The following MBD5 variants were observed in gnomAD, a reference collection of about 807,000 sequenced individuals.
The protein encoded by MBD5 is methyl-CpG binding domain protein 5, also known as methyl-CpG-binding domain protein 5.
Under a neutral mutation model 117.3 loss-of-function variants are expected in MBD5, and 13 were observed. That is an observed-to-expected ratio of 0.11 (90% CI 0.07 to 0.18). The LOEUF (loss-of-function observed/expected upper bound fraction) is 0.18. MBD5 is among the 10% of genes least tolerant of loss of function. The pLI is 1.00. For synonymous variants in MBD5, 727 were observed against 766.4 expected, an observed-to-expected ratio of 0.95 and a Z score of 0.85; for missense variants, 1,879 against 2,093.8, an observed-to-expected ratio of 0.90 and a Z score of 2.00.
chr2:148,403,113 A>T (rs1704972142), intron 4 of MBD5, among the ~76,000 whole-genome samples: 1 of 152,054 alleles, frequency 6.6e-6, no homozygotes, highest in Admixed American at 6.6e-5. Context: ...GCTCTTTTTA[A>T]AAATAGCTTT....
chr2:148,340,506 C>T (rs1702909048), intron 3 of MBD5, among the ~76,000 whole-genome samples: 1 of 151,964 alleles, frequency 6.6e-6, no homozygotes, highest in East Asian at 1.9e-4. Flanking sequence ...TTTAATTTTA[C>T]AGTAATGAAG....
At chr2:148,440,001 A>G (rs1447103936) in intron 4 of MBD5, among the ~76,000 whole-genome samples, 2 of 152,170 alleles carry the variant, frequency 1.3e-5, no homozygotes, top group African/African-American at 4.8e-5. Flanking sequence ...GGCCTCCCAA[A>G]GTGCTAAGAT....
intron 3 of MBD5, chr2:148,243,768 C>T (rs1422354142): frequency 6.6e-6 from 1 of 151,752 alleles, no homozygotes; most frequent in Admixed American, 6.6e-5. Flanking sequence ...TTTTCGGGGA[C>T]CCAAGAAGAT....
In MBD5 at chr2:148,021,298, AGAG is replaced by A. The variant is rs1341856680; in HGVS notation, c.-1307_-1305del. 6 of 381,330 alleles carry A rather than the reference AGAG, an allele frequency of 1.6e-5. No individual in the cohort carries two copies. Among genetic ancestry groups the A allele is most frequent in the East Asian group, 6.4e-5 (1 of 15,582 alleles). 23.6% of individuals were successfully genotyped at this position (381,330 alleles called of 1,614,324 possible). A position where few individuals can be genotyped will look rare whatever the true frequency, so the allele number is the denominator to read the frequency against. On this transcript the variant is annotated 5_prime_UTR_variant, in exon 1 of 14. Coordinates refer to ENST00000642680, the MANE Select transcript of MBD5 (RefSeq NM_001378120.1). ...CCCTGAGAGGGGGATTGAGCCTGAG[AGAG>A]GAGAAGGAGTTTCTTCTTCTTCGAA...
chr2:148,480,680 A>G (rs1402127546), intron 8 of MBD5, among the ~76,000 whole-genome samples: 1 of 152,170 alleles, frequency 6.6e-6, no homozygotes, highest in African/African-American at 2.4e-5. Flanking sequence ...AAGCAGTTAA[A>G]TGTTTAAGGT....
intron 2 of MBD5, among the ~76,000 whole-genome samples, chr2:148,197,634 G>T (rs1008407870): frequency 1.3e-5 from 2 of 151,962 alleles, no homozygotes; most frequent in Non-Finnish European, 2.9e-5. Flanking sequence ...TAATGGTTAC[G>T]TATTCTATTA....
intron 1 of MBD5, among the ~76,000 whole-genome samples, chr2:148,140,457 T>G (rs1331794883): frequency 6.6e-6 from 1 of 152,214 alleles, no homozygotes; most frequent in East Asian, 1.9e-4. Flanking sequence ...TGCCATCCCA[T>G]GTAAAGGTAG....
chr2:148,322,836 C>CTTTA (rs1206924879), intron 3 of MBD5, among the ~76,000 whole-genome samples: 4 of 151,720 alleles, frequency 2.6e-5, no homozygotes, highest in East Asian at 1.9e-4. Context: ...TTATATATAT[C>CTTTA]TTTATTTATT....
At chr2:148,112,764 A>G (rs1328220365) in intron 1 of MBD5, among the ~76,000 whole-genome samples, 1 of 152,108 alleles carries the variant, frequency 6.6e-6, no homozygotes, top group East Asian at 1.9e-4. Context: ...GAAATTGGAA[A>G]AAAAAAAATT....
chr2:148,064,657 C>G (rs898869531), intron 1 of MBD5, among the ~76,000 whole-genome samples: 2 of 152,190 alleles, frequency 1.3e-5, no homozygotes, highest in African/African-American at 4.8e-5. Context: ...TCAGTCCTTA[C>G]ACCTGAAATC....
In MBD5 at chr2:148,516,570, G is replaced by A. The variant is rs1272070479; in HGVS notation, c.*3629G>A. 2 of 152,116 alleles carry A rather than the reference G, an allele frequency of 1.3e-5. 1 individual carries two copies. Among genetic ancestry groups the A allele is most frequent in the Non-Finnish European group, 2.9e-5 (2 of 68,020 alleles). 9.4% of individuals were successfully genotyped at this position (152,116 alleles called of 1,614,324 possible). A position where few individuals can be genotyped will look rare whatever the true frequency, so the allele number is the denominator to read the frequency against. ...CTATCACATTTGCATTAGCCAAAGA[G>A]ATAAGAACATTAGTAATTCATATGT... On this transcript the variant is annotated 3_prime_UTR_variant, in exon 14 of 14. Transcript: ENST00000642680.
chr2:148,410,866 T>C (rs1254693029), intron 4 of MBD5, among the ~76,000 whole-genome samples: 1 of 152,210 alleles, frequency 6.6e-6, no homozygotes, highest in African/African-American at 2.4e-5. Context: ...TTTTTTTAAC[T>C]TTTATTTTAG....
chr2:148,409,794 G>A (rs1270767916), intron 4 of MBD5, among the ~76,000 whole-genome samples: 1 of 152,082 alleles, frequency 6.6e-6, no homozygotes, highest in Non-Finnish European at 1.5e-5. Flanking sequence ...ATATTTAAAT[G>A]TCAATAGTTT....
intron 3 of MBD5, among the ~76,000 whole-genome samples, chr2:148,328,574 G>A (rs979682817): frequency 1.1e-4 from 16 of 152,286 alleles, no homozygotes; most frequent in Non-Finnish European, 1.5e-4. Flanking sequence ...TCGGAAAAGC[G>A]CAGTATTCGG....
rs146895866 is a variant in MBD5, at chr2:148,355,750, C to T, written c.-557+13414C>T. On this transcript the variant is annotated intron_variant, in intron 4 of 13. Transcript: ENST00000642680. ...CTTTGTTGTTTTTGCTAAGGATTGTCTTGGCTATACAGGCTCTTTTTACAT... is the reference window on the plus strand; with the variant it reads ...CTTTGTTGTTTTTGCTAAGGATTGTTTTGGCTATACAGGCTCTTTTTACAT... 9.0e-3 allele frequency among the ~76,000 whole-genome samples: 1,373 copies of T among 152,262 alleles called. 14 individuals are homozygous for T. The highest frequency in any genetic ancestry group is 0.044 in the Middle Eastern group (13 of 294).
At chr2:148,143,007 T>C (rs1203539952) in intron 1 of MBD5, among the ~76,000 whole-genome samples, 1 of 152,234 alleles carries the variant, frequency 6.6e-6, no homozygotes, top group African/African-American at 2.4e-5. Flanking sequence ...ATGACATTAC[T>C]TTGGCATTAG....
intron 1 of MBD5, among the ~76,000 whole-genome samples, chr2:148,089,619 G>T (rs1695884223): frequency 6.6e-6 from 1 of 151,928 alleles, no homozygotes; most frequent in South Asian, 2.1e-4. Flanking sequence ...AAAACAAGAT[G>T]GAAGTAAAAA....
At chr2:148,202,798 T>G (rs1473837896) in intron 2 of MBD5, among the ~76,000 whole-genome samples, 1 of 152,036 alleles carries the variant, frequency 6.6e-6, no homozygotes, top group Non-Finnish European at 1.5e-5. Context: ...TAGGCTGAGG[T>G]GGGAGGATCA....
chr2:148,384,397 C>T (rs1424818527), intron 4 of MBD5, among the ~76,000 whole-genome samples: 1 of 151,796 alleles, frequency 6.6e-6, no homozygotes, highest in Non-Finnish European at 1.5e-5. Context: ...AGGAATCCAA[C>T]TTACAAGGGA....
Sources: allele counts gnomAD v4.1 joint callset (sites outside exome capture counted in the v4.1 genomes callset), GRCh38; gene constraint gnomAD v4.1.1; transcripts MANE v1.5; gene names NCBI Gene and HGNC (gene_info 2026-07-23, HGNC 2026-07-21).